Variants in LRMDA observed in about 807,000 individuals in gnomAD.
LRMDA encodes the protein leucine-rich melanocyte differentiation-associated protein.
A neutral mutation model predicts 29.8 loss-of-function variants in LRMDA; 18 were observed. The observed-to-expected ratio is 0.60, with a 90% CI of 0.42 to 0.90. The LOEUF (loss-of-function observed/expected upper bound fraction) is 0.90. Among genes scored for constraint, LRMDA ranks in the 40% least tolerant of loss-of-function variants. The pLI, the probability that LRMDA is intolerant of heterozygous loss-of-function variation, is 0.00. For missense variants in LRMDA, 273 were observed against 273.9 expected, an observed-to-expected ratio of 1.00 and a Z score of 0.02; for synonymous variants, 125 against 109.4, an observed-to-expected ratio of 1.14 and a Z score of -0.89.
At chr10:76,262,989 G>T (rs74150569) in intron 5 of LRMDA, among the ~76,000 whole-genome samples, 7,342 of 152,186 alleles carry the variant, frequency 0.048, 585 homozygotes, top group African/African-American at 0.17. Flanking sequence ...TAATGAAATA[G>T]AATCATTTTC....
intron 2 of LRMDA, among the ~76,000 whole-genome samples, chr10:75,859,700 G>A (rs777088486): frequency 1.2e-4 from 18 of 150,344 alleles, no homozygotes; most frequent in Non-Finnish European, 2.5e-4. Context: ...CTAATTTGTT[G>A]CCATTCAGCT....
chr10:75,879,583 G>T (rs901567986), intron 2 of LRMDA, among the ~76,000 whole-genome samples: 13 of 152,156 alleles, frequency 8.5e-5, no homozygotes, highest in African/African-American at 3.1e-4. Context: ...TATAAGGTCT[G>T]GGGGAAGGGA....
chr10:75,561,760 C>T (rs923409426), intron 2 of LRMDA, among the ~76,000 whole-genome samples: 9 of 152,056 alleles, frequency 5.9e-5, no homozygotes, highest in Admixed American at 4.6e-4. Context: ...CAAAGAACAT[C>T]TTTATTTCTG....
rs75491312 is a variant in LRMDA, at chr10:76,377,590, C to T, written c.601+53105C>T. On this transcript the variant is annotated intron_variant, in intron 6 of 6. Coordinates refer to ENST00000611255, the MANE Select transcript of LRMDA (RefSeq NM_001305581.2). Reference sequence around the variant, plus strand: ...ACATATGGGTCCAGTTTCATTCTTTCGCATATGGCTACCCAATTTTCCCAG... The same window carrying T: ...ACATATGGGTCCAGTTTCATTCTTTTGCATATGGCTACCCAATTTTCCCAG... Among the ~76,000 whole-genome samples the T allele has an allele frequency of 9.8e-3, 1,497 of 152,174 alleles. 19 individuals carry two copies. Among genetic ancestry groups the T allele is most frequent in the African/African-American group, 0.032 (1,322 of 41,518 alleles).
chr10:75,664,608 A>C (rs1841797642), intron 2 of LRMDA, among the ~76,000 whole-genome samples: 1 of 152,204 alleles, frequency 6.6e-6, no homozygotes, highest in African/African-American at 2.4e-5. Context: ...GCATCAGGGA[A>C]GTCTACATGA....
chr10:76,429,027 C>CACACACACACAT (rs1459027556), intron 6 of LRMDA, among the ~76,000 whole-genome samples: 1 of 150,438 alleles, frequency 6.6e-6, no homozygotes, highest in East Asian at 1.9e-4. Context: ...CAATTATACA[C>CACACACACACAT]ACACACACAC....
intron 2 of LRMDA, among the ~76,000 whole-genome samples, chr10:75,766,765 G>C (rs1282353006): frequency 2.6e-5 from 4 of 151,978 alleles, no homozygotes; most frequent in Non-Finnish European, 4.4e-5. Flanking sequence ...GCATGCATTA[G>C]GTATTTGTCC....
chr10:75,475,344 C>T (rs755369291), intron 2 of LRMDA, among the ~76,000 whole-genome samples: 37 of 152,212 alleles, frequency 2.4e-4, no homozygotes, highest in East Asian at 3.9e-4. Flanking sequence ...GCCTTATGGA[C>T]GGGGAGGACC....
chr10:75,907,099 G>C (rs1272279903), intron 2 of LRMDA, among the ~76,000 whole-genome samples: 2 of 152,148 alleles, frequency 1.3e-5, no homozygotes, highest in African/African-American at 4.8e-5. Flanking sequence ...GAAAATTATT[G>C]TTGTGAAAAG....
chr10:75,799,847 T>G (rs568991060), intron 2 of LRMDA, among the ~76,000 whole-genome samples: 55 of 152,250 alleles, frequency 3.6e-4, no homozygotes, highest in Non-Finnish European at 7.4e-4. Flanking sequence ...TTTTCCCAAA[T>G]TGAAGGGAAT....
rs1849931070 is a variant in LRMDA at position 76,128,664 on chromosome 10, C to CTCT, written c.516+69885_516+69887dup. ...TGCAATGAGATCCATCCCTGAACTC[C>CTCT]TCTTCTCCCATCTGTGAAGATGCCC... On this transcript the variant is annotated intron_variant, in intron 5 of 6. Transcript: ENST00000611255. 2.0e-5 allele frequency among the ~76,000 whole-genome samples: 3 copies of CTCT among 152,166 alleles called. No individual in the cohort carries two copies. In the South Asian group the frequency reaches 6.2e-4, roughly 31 times the overall value.
At chr10:75,494,642 A>G (rs1165908148) in intron 2 of LRMDA, among the ~76,000 whole-genome samples, 2 of 148,484 alleles carry the variant, frequency 1.3e-5, no homozygotes, top group Non-Finnish European at 3.0e-5. Flanking sequence ...ATGGGATTAC[A>G]GGTGTGTGTC....
chr10:76,119,674 C>G lies in LRMDA; in HGVS notation c.516+60891C>G, dbSNP rs542788834. Among the ~76,000 whole-genome samples the G allele has an allele frequency of 3.3e-5, 5 of 152,250 alleles. No individual in the cohort carries two copies. The South Asian group carries it at 1.0e-3, about 32-fold the overall frequency. On this transcript the variant is annotated intron_variant, in intron 5 of 6. Coordinates refer to ENST00000611255, the MANE Select transcript of LRMDA (RefSeq NM_001305581.2). ...TCTTAAGTCTAGAGGCTGATTCCCC[C>G]CAAACCCATGAAACCATGTTTTCCC...
intron 2 of LRMDA, among the ~76,000 whole-genome samples, chr10:75,457,084 T>G (rs1844526002): frequency 6.6e-6 from 1 of 152,212 alleles, no homozygotes; most frequent in African/African-American, 2.4e-5. Flanking sequence ...TCTTGAATCT[T>G]TATGGCAAGC....
intron 6 of LRMDA, among the ~76,000 whole-genome samples, chr10:76,361,103 A>G (rs1387832751): frequency 6.6e-6 from 1 of 152,042 alleles, no homozygotes; most frequent in Non-Finnish European, 1.5e-5. Context: ...TCTACTGAAA[A>G]TATAAAAATT....
At chr10:75,968,129 C>A (rs1192421539) in intron 2 of LRMDA, among the ~76,000 whole-genome samples, 1 of 151,900 alleles carries the variant, frequency 6.6e-6, no homozygotes, top group Admixed American at 6.6e-5. Flanking sequence ...CATCTCTCCA[C>A]CTGGTCTGTG....
intron 2 of LRMDA, among the ~76,000 whole-genome samples, chr10:75,917,041 G>A (rs1189672644): frequency 6.6e-6 from 1 of 152,110 alleles, no homozygotes. Context: ...TTACAGCTCT[G>A]GTTTCCATGG....
chr10:75,745,417 C>T (rs1044811931), intron 2 of LRMDA, among the ~76,000 whole-genome samples: 1 of 152,132 alleles, frequency 6.6e-6, no homozygotes, highest in Non-Finnish European at 1.5e-5. Flanking sequence ...CTTTAGACCT[C>T]TAGACTTAGT....
chr10:76,254,340 C>CATACCATACCATACA (rs759692334), intron 5 of LRMDA, among the ~76,000 whole-genome samples: 7 of 90,148 alleles, frequency 7.8e-5, no homozygotes, highest in Non-Finnish European at 1.9e-4. Context: ...CATACCATAC[C>CATACCATACCATACA]ATCCTATCCT....
Sources: allele counts gnomAD v4.1 joint callset (sites outside exome capture counted in the v4.1 genomes callset), GRCh38; gene constraint gnomAD v4.1.1; transcripts MANE v1.5; gene names NCBI Gene and HGNC (gene_info 2026-07-23, HGNC 2026-07-21).